ECM2: variants seen among roughly 807,000 people sequenced by gnomAD.
ECM2 encodes extracellular matrix protein 2, female organ and adipocyte specific.
A neutral mutation model predicts 67.5 loss-of-function variants in ECM2; 57 were observed. That is an observed-to-expected ratio of 0.84 (90% CI 0.68 to 1.05). The LOEUF (loss-of-function observed/expected upper bound fraction) is 1.05. ECM2 is among the 50% of genes least tolerant of loss of function. The pLI, the probability that ECM2 is intolerant of heterozygous loss-of-function variation, is 0.00. For synonymous variants in ECM2, 258 were observed against 294.5 expected, an observed-to-expected ratio of 0.88 and a Z score of 1.27; for missense variants, 741 against 822.8, an observed-to-expected ratio of 0.90 and a Z score of 1.22.
At chr9:92,518,893 A>C (rs972956798) in intron 2 of ECM2, among the ~76,000 whole-genome samples, 1 of 152,174 alleles carries the variant, frequency 6.6e-6, no homozygotes, top group African/African-American at 2.4e-5. Flanking sequence ...TCCCTAAATA[A>C]ATAAATAAAC....
At chr9:92,514,574 T>G in intron 4 of ECM2, 57 bp downstream of exon 4, 1 of 1,520,102 alleles carries the variant, frequency 6.6e-7, no homozygotes, top group Non-Finnish European at 8.8e-7. Flanking sequence ...CGTGCCCAGC[T>G]GCTAAGAGTC....
At chr9:92,547,190 G>A in the ECM2 span, among the ~76,000 whole-genome samples, 108 of 152,276 alleles carry the variant, frequency 7.1e-4, no homozygotes, top group Admixed American at 6.0e-3. Context: ...ACAGCCATTA[G>A]TGTTTTAAAA....
intron 2 of ECM2, 125 bp downstream of exon 2, chr9:92,522,449 TG>T: frequency 1.8e-6 from 2 of 1,092,354 alleles, no homozygotes; most frequent in Middle Eastern, 2.1e-4. Context: ...TATAATAACC[TG>T]GATTTTTCTT....
At chr9:92,521,032 G>A (rs1485424980) in intron 2 of ECM2, among the ~76,000 whole-genome samples, 1 of 152,150 alleles carries the variant, frequency 6.6e-6, no homozygotes, top group Non-Finnish European at 1.5e-5. Context: ...TAGTGGTGAT[G>A]GTTGCACAAT....
Position 92,500,811 on chromosome 9 carries a change from T to C in ECM2, c.1847A>G (p.Asp616Gly). 1 of 1,614,184 alleles carries C rather than the reference T, an allele frequency of 6.2e-7. No homozygotes were observed. The change falls in exon 9 of 10, where the codon GAT becomes GGT. Residue 616 changes from aspartate to glycine, a missense_variant. Asp to Gly is a moderately conservative substitution (Grantham distance 94). Transcript: ENST00000344604. The part of the protein sequence containing the change: ...AYHSLRELFL[D>G]HNDLKSIPPG... Reference sequence around the variant, plus strand: ...TGGTATAGATTTTAAGTCATTGTGATCCAGAAATAATTCTCTCAGAGAATG... The same window carrying C: ...TGGTATAGATTTTAAGTCATTGTGACCCAGAAATAATTCTCTCAGAGAATG...
At chr9:92,497,741 G>A (rs1217612333) in intron 9 of ECM2, among the ~76,000 whole-genome samples, 2 of 151,848 alleles carry the variant, frequency 1.3e-5, no homozygotes, top group African/African-American at 4.8e-5. Flanking sequence ...GATCCCCAGT[G>A]TTGGAGGTGG....
chr9:92,537,121 C>T (rs1405078522), upstream of ECM2, among the ~76,000 whole-genome samples: 1 of 151,772 alleles, frequency 6.6e-6, no homozygotes, highest in Non-Finnish European at 1.5e-5. Context: ...TGTGATCCAC[C>T]CACCTCGGCC....
At chr9:92,495,020 A>G (rs2131130232), downstream of ECM2, among the ~76,000 whole-genome samples, 1 of 151,900 alleles carries the variant, frequency 6.6e-6, no homozygotes, top group Non-Finnish European at 1.5e-5. Flanking sequence ...TCTCAGTTTT[A>G]TATGAGATAA....
In ECM2 at chr9:92,517,796, G is replaced by T; in HGVS notation, c.372C>A (p.Cys124Ter). The T allele has an allele frequency of 1.2e-6, 2 of 1,614,220 alleles. No homozygotes were observed. Among genetic ancestry groups the T allele is most frequent in the Non-Finnish European group, 1.7e-6 (2 of 1,180,042 alleles). ...AVWSPEPCTTCLCSDGRVLCD... is the reference protein window; with the variant it reads ...AVWSPEPCTT ...AAAGAACTCTTCCATCTGAGCAGAGGCAGGTAGTGCAGGGCTCAGGCGACC... is the reference window on the plus strand; with the variant it reads ...AAAGAACTCTTCCATCTGAGCAGAGTCAGGTAGTGCAGGGCTCAGGCGACC... Residue 124 changes from cysteine to a stop codon, truncating the protein, a stop_gained, in exon 3 of 10, where the codon TGC becomes TGA. Coordinates refer to ENST00000344604, the MANE Select transcript of ECM2 (RefSeq NM_001393.4). LOFTEE classifies it high-confidence loss of function.
chr9:92,531,312 T>C (rs1848734275), intron 1 of ECM2, among the ~76,000 whole-genome samples: 1 of 152,182 alleles, frequency 6.6e-6, no homozygotes, highest in Non-Finnish European at 1.5e-5. Context: ...CCTTGACTTA[T>C]CAAAGTCTTA....
chr9:92,532,023 T>TTTTG (rs1563990261), intron 1 of ECM2, among the ~76,000 whole-genome samples: 1 of 128,668 alleles, frequency 7.8e-6, no homozygotes, highest in African/African-American at 3.5e-5. Context: ...ATGTTTTTTT[T>TTTTG]TTTTTATTTT....
At chr9:92,511,983 A>G in intron 5 of ECM2, 28 bp downstream of exon 5, 1 of 1,549,154 alleles carries the variant, frequency 6.5e-7, no homozygotes, top group South Asian at 1.2e-5. Context: ...CCATTCATCC[A>G]AATAGACAAA....
intron 1 of ECM2, among the ~76,000 whole-genome samples, chr9:92,525,271 T>C (rs1404894652): frequency 1.3e-5 from 2 of 151,828 alleles, no homozygotes; most frequent in Non-Finnish European, 2.9e-5. Context: ...TGAGCAATGA[T>C]TGCAGCACTG....
At chr9:92,519,808 A>G (rs1296883487) in intron 2 of ECM2, among the ~76,000 whole-genome samples, 1 of 152,112 alleles carries the variant, frequency 6.6e-6, no homozygotes, top group African/African-American at 2.4e-5. Context: ...GTAAAAGATA[A>G]ATTAGACTTT....
At chr9:92,494,296 A>G (rs1012415978), downstream of ECM2, 55 of 638,552 alleles carry the variant, frequency 8.6e-5, no homozygotes, top group African/African-American at 9.8e-4. Context: ...ATTGCCTTAA[A>G]CCATTTATGT....
chr9:92,510,022 A>G lies in ECM2; in HGVS notation c.1183T>C (p.Leu395=). Residue 395 remains leucine (L), a synonymous_variant, in exon 6 of 10, where the codon TTA becomes CTA. Coordinates refer to ENST00000344604, the MANE Select transcript of ECM2 (RefSeq NM_001393.4). ...GPKAFKLLKK[L]MRLNMDGNNL... ...TTTCCATCCATATTCAAACGCATTA[A>G]CTTCTTCAGAAGCTTAAAAAGCAAA... is the stretch of plus-strand genomic sequence containing the variant. 6.3e-7 allele frequency: 1 copy of G among 1,597,352 alleles called. No individual in the cohort carries two copies. The highest frequency in any genetic ancestry group is 8.5e-7 in the Non-Finnish European group (1 of 1,175,254).
chr9:92,515,059 T>G lies in ECM2; in HGVS notation c.626A>C (p.Glu209Ala), dbSNP rs200124000. ...TTCATCCTCCTCAGATTGAAGTGCT[T>G]CTTTTCTTACTATTCGGTCCATTCC... is the stretch of plus-strand genomic sequence containing the variant. ...QVGMDRIVRK[E>A]ALQSEEDEEV... is the part of the protein sequence containing the mutation. The change falls in exon 4 of 10, where the codon GAA becomes GCA. Residue 209 changes from glutamate to alanine, a missense_variant. Coordinates refer to ENST00000344604, the MANE Select transcript of ECM2 (RefSeq NM_001393.4). The G allele has an allele frequency of 3.1e-6, 5 of 1,614,174 alleles. No individual in the cohort carries two copies. The East Asian group carries it at 8.9e-5, about 29-fold the overall frequency.
chr9:92,530,021 C>T (rs1392259349), intron 1 of ECM2, among the ~76,000 whole-genome samples: 1 of 152,068 alleles, frequency 6.6e-6, no homozygotes, highest in South Asian at 2.1e-4. Flanking sequence ...ACTTACATAG[C>T]CTATACAGTG....
At chr9:92,555,491 A>T in the ECM2 span, among the ~76,000 whole-genome samples, 1 of 151,856 alleles carries the variant, frequency 6.6e-6, no homozygotes, top group Admixed American at 6.6e-5. Context: ...AGCCTCCCAA[A>T]GTGCTGGGAT....
Sources: allele counts gnomAD v4.1 joint callset (sites outside exome capture counted in the v4.1 genomes callset), GRCh38; gene constraint gnomAD v4.1.1; transcripts MANE v1.5; gene names NCBI Gene and HGNC (gene_info 2026-07-23, HGNC 2026-07-21).